The following MCPH1 variants were observed in gnomAD, a reference collection of about 807,000 sequenced individuals.
MCPH1 encodes microcephalin.
MCPH1 carries 104 observed loss-of-function variants against 84.5 expected under a neutral mutation model. The observed-to-expected ratio is 1.23, with a 90% CI of 1.05 to 1.45. The LOEUF (loss-of-function observed/expected upper bound fraction) is 1.45, where lower values mean the gene tolerates loss of function less well. Among genes scored for constraint, MCPH1 ranks in the 40% most tolerant of loss-of-function variants. MCPH1 has a pLI of 0.00. For missense variants in MCPH1, 1,498 were observed against 1,005.7 expected (o/e 1.49, Z -6.62); for synonymous variants, 514 against 366.8 (o/e 1.40, Z -4.58).
At chr8:6,495,653 G>A (rs942056698) in intron 11 of MCPH1, among the ~76,000 whole-genome samples, 1 of 152,120 alleles carries the variant, frequency 6.6e-6, no homozygotes, top group African/African-American at 2.4e-5. Flanking sequence ...AATAAATAAT[G>A]TGTTTCTACA....
intron 11 of MCPH1, among the ~76,000 whole-genome samples, chr8:6,485,849 A>T (rs557112586): frequency 6.6e-6 from 1 of 152,242 alleles, no homozygotes; most frequent in South Asian, 2.1e-4. Flanking sequence ...GGTAAACGCA[A>T]TGGTAACCGC....
intron 3 of MCPH1, among the ~76,000 whole-genome samples, chr8:6,415,992 T>A (rs1257458974): frequency 6.6e-6 from 1 of 152,240 alleles, no homozygotes; most frequent in Non-Finnish European, 1.5e-5. Context: ...TTTCTAGTTT[T>A]CAGTGTACAA....
intron 2 of MCPH1, among the ~76,000 whole-genome samples, chr8:6,410,530 C>G (rs1009254544): frequency 6.6e-6 from 1 of 152,200 alleles, no homozygotes; most frequent in East Asian, 1.9e-4. Context: ...ATCAGATTTA[C>G]TATCACGTAC....
intron 13 of MCPH1, chr8:6,626,786 G>A: frequency 1.0e-6 from 1 of 985,230 alleles, no homozygotes; most frequent in South Asian, 4.7e-5. Context: ...GTCCTCAAGG[G>A]TCTGCGACAT....
chr8:6,413,819 A>G (rs1007103657), intron 2 of MCPH1, among the ~76,000 whole-genome samples: 6 of 151,844 alleles, frequency 4.0e-5, no homozygotes, highest in South Asian at 2.1e-4. Context: ...CAATGGCACA[A>G]TCTTGGCTCA....
intron 12 of MCPH1, among the ~76,000 whole-genome samples, chr8:6,597,416 CT>C (rs1455013598): frequency 6.6e-6 from 1 of 152,160 alleles, no homozygotes; most frequent in Non-Finnish European, 1.5e-5. Context: ...CAGATTTTGG[CT>C]ACAAGTGGCA....
At chr8:6,459,697 A>C (rs1240820416) in intron 9 of MCPH1, among the ~76,000 whole-genome samples, 4 of 152,344 alleles carry the variant, frequency 2.6e-5, no homozygotes, top group Non-Finnish European at 5.9e-5. Context: ...TTTGAAACTC[A>C]GATGTGTCCC....
At chr8:6,581,808 C>T (rs186299518) in intron 12 of MCPH1, among the ~76,000 whole-genome samples, 1 of 152,214 alleles carries the variant, frequency 6.6e-6, no homozygotes, top group East Asian at 1.9e-4. Context: ...CTGAGAAGTC[C>T]AATATCCAGG....
intron 3 of MCPH1, among the ~76,000 whole-genome samples, chr8:6,431,144 G>C (rs996773492): frequency 6.6e-6 from 1 of 152,100 alleles, no homozygotes; most frequent in Non-Finnish European, 1.5e-5. Flanking sequence ...TGAATTATCT[G>C]TTTTATGGCC....
intron 13 of MCPH1, chr8:6,626,229 G>A: frequency 1.0e-6 from 1 of 985,396 alleles, no homozygotes; most frequent in Non-Finnish European, 1.2e-6. Context: ...GGGAGTGGAG[G>A]TGTGAAGTCA....
chr8:6,502,973 G>T, intron 12 of MCPH1: 2 of 1,073,408 alleles, frequency 1.9e-6, no homozygotes, highest in Non-Finnish European at 1.3e-6. Context: ...GAGCATGTGG[G>T]TCCCGTCAGC....
chr8:6,606,067 T>TAA (rs983248868), intron 12 of MCPH1, among the ~76,000 whole-genome samples: 6 of 152,182 alleles, frequency 3.9e-5, no homozygotes, highest in African/African-American at 1.2e-4. Context: ...TTTGTTTTAA[T>TAA]AAAAAAATTG....
chr8:6,617,256 T>TGGGG (rs35452133), intron 12 of MCPH1: 15 of 112,882 alleles, frequency 1.3e-4, no homozygotes, highest in African/African-American at 5.4e-4. Flanking sequence ...GGTTTTTTGG[T>TGGGG]GGGGGGGGGG....
At chr8:6,526,139 G>A (rs1050228299) in intron 12 of MCPH1, among the ~76,000 whole-genome samples, 22 of 151,784 alleles carry the variant, frequency 1.4e-4, no homozygotes, top group African/African-American at 5.1e-4. Context: ...AGAAAACGAC[G>A]CCAGGTACGG....
Position 6,442,050 on chromosome 8 carries a change from C to G in MCPH1, c.581-17C>G, listed in dbSNP as rs1563213045. 1 of 1,582,408 alleles carries G rather than the reference C, an allele frequency of 6.3e-7. No individual in the cohort carries two copies. The highest frequency in any genetic ancestry group is 1.1e-5 in the South Asian group (1 of 90,426). ...ACTGAAACTTTATCTAATGCAGTGTCTTGGTCCTGTTTTTAGCTTCCCAAA... is the reference window on the plus strand; with the variant it reads ...ACTGAAACTTTATCTAATGCAGTGTGTTGGTCCTGTTTTTAGCTTCCCAAA... On this transcript the variant is annotated splice_polypyrimidine_tract_variant and intron_variant, in intron 6 of 13. Coordinates refer to ENST00000344683, the MANE Select transcript of MCPH1 (RefSeq NM_024596.5).
chr8:6,595,312 G>A (rs1473347429), intron 12 of MCPH1, among the ~76,000 whole-genome samples: 1 of 152,224 alleles, frequency 6.6e-6, no homozygotes, highest in East Asian at 1.9e-4. Context: ...GGTATGTACT[G>A]TAGGAGCAAA....
chr8:6,571,427 T>C (rs534412605), intron 12 of MCPH1, among the ~76,000 whole-genome samples: 2 of 152,314 alleles, frequency 1.3e-5, no homozygotes, highest in East Asian at 3.9e-4. Flanking sequence ...TCATAAATGT[T>C]GTCGAGATCT....
chr8:6,622,566 G>A (rs1490090373), intron 13 of MCPH1, among the ~76,000 whole-genome samples: 1 of 152,204 alleles, frequency 6.6e-6, no homozygotes, highest in Non-Finnish European at 1.5e-5. Context: ...TGCTTGGGCT[G>A]CCATCGCAAA....
rs1798134727 is a variant in MCPH1 at position 6,644,821 on chromosome 8, A to C, written c.*1772A>C. On this transcript the variant is annotated 3_prime_UTR_variant, in exon 14 of 14. Coordinates refer to ENST00000344683, the MANE Select transcript of MCPH1 (RefSeq NM_024596.5). ...TATAACAGAACCACTTCTAGAATGA[A>C]CCTTTGAGAAGGGAGGTAGCAGTGC... The C allele has an allele frequency of 6.6e-6, 1 of 152,178 alleles. No individual in the cohort carries two copies. Among genetic ancestry groups the C allele is most frequent in the Admixed American group, 6.5e-5 (1 of 15,282 alleles). 9.4% of individuals were successfully genotyped at this position (152,178 alleles called of 1,614,324 possible).
Sources: gnomAD v4.1 joint callset for allele counts (sites outside exome capture counted in the v4.1 genomes callset) on GRCh38, gnomAD v4.1.1 for gene constraint, MANE v1.5 for transcripts, NCBI Gene and HGNC (gene_info 2026-07-23, HGNC 2026-07-21) for gene names.